The following PHLDB2 variants were observed in gnomAD, a reference collection of about 807,000 sequenced individuals.
PHLDB2 encodes the protein pleckstrin homology like domain family B member 2, also known as pleckstrin homology-like domain family B member 2.
A neutral mutation model predicts 123.6 loss-of-function variants in PHLDB2; 71 were observed. The ratio of observed to expected loss-of-function variants is 0.57; its 90% CI spans 0.47 to 0.70. The LOEUF (loss-of-function observed/expected upper bound fraction) is 0.70, where lower values mean the gene tolerates loss of function less well. Among genes scored for constraint, PHLDB2 ranks in the 30% least tolerant of loss-of-function variants. The pLI is 0.00. For missense variants in PHLDB2, 1,446 were observed against 1,519.5 expected (o/e 0.95, Z 0.80); for synonymous variants, 547 against 541.6 (o/e 1.01, Z -0.14).
chr3:111,845,965 T>C (rs1381075820), intron 2 of PHLDB2: 1 of 1,598,626 alleles, frequency 6.3e-7, no homozygotes, highest in Admixed American at 1.7e-5. Flanking sequence ...AGGTTTTCAG[T>C]ACATATTTAC....
Position 111,795,199 on chromosome 3 carries a change from A to G in PHLDB2, c.-48-50622A>G, listed in dbSNP as rs1042862478. Among the ~76,000 whole-genome samples the G allele has an allele frequency of 5.3e-5, 8 of 152,324 alleles. No individual in the cohort carries two copies. The South Asian group carries it at 8.3e-4, about 16-fold the overall frequency. Reference sequence around the variant, plus strand: ...CTCAGAGTTGCACTTCTTTATTTTAAGAAATCAGATAGGTATTCTTAGGTC... The same window carrying G: ...CTCAGAGTTGCACTTCTTTATTTTAGGAAATCAGATAGGTATTCTTAGGTC... On this transcript the variant is annotated intron_variant, in intron 1 of 17. Coordinates refer to the PHLDB2 transcript ENST00000393923.
chr3:111,900,550 A>T lies in PHLDB2; in HGVS notation c.1336-12769A>T, dbSNP rs368125698. On this transcript the variant is annotated intron_variant, in intron 2 of 17. Transcript: ENST00000431670. ...GGTTAGAACAAGTACAACATTTATT[A>T]ATTAAGTTTGCTGTCTTATATGGGC... Among the ~76,000 whole-genome samples the T allele has an allele frequency of 1.6e-4, 25 of 152,200 alleles. 1 individual carries two copies. The East Asian group carries it at 4.4e-3, about 27-fold the overall frequency.
intron 2 of PHLDB2, among the ~76,000 whole-genome samples, chr3:111,851,195 A>C (rs200807862): frequency 5.6e-3 from 51 of 9,152 alleles, no homozygotes; most frequent in African/African-American, 7.7e-3. Flanking sequence ...ATTCTGTCTT[A>C]AAAAAAAAAA....
At chr3:111,929,862 G>T (rs1234091121) in intron 5 of PHLDB2, among the ~76,000 whole-genome samples, 1 of 151,548 alleles carries the variant, frequency 6.6e-6, no homozygotes. Flanking sequence ...TGTATGAATT[G>T]CAAAACCTTT....
At chr3:111,803,203 C>T (rs981758291) in intron 1 of PHLDB2, among the ~76,000 whole-genome samples, 3 of 152,180 alleles carry the variant, frequency 2.0e-5, no homozygotes, top group African/African-American at 7.2e-5. Flanking sequence ...AAAGTTTCAT[C>T]GTTAAGCTGT....
chr3:111,883,979 T>G, intron 1 of PHLDB2, 85 bp from the exon 2 acceptor site: 1 of 1,299,804 alleles, frequency 7.7e-7, no homozygotes, highest in Non-Finnish European at 1.1e-6. Context: ...GACTGCAAGA[T>G]TGTTTGTTCA....
rs1274549720 is a variant in PHLDB2, at chr3:111,886,600, A to G, written c.1335+1188A>G. ...CATTTGCATCCATCCAGAAGGAAAT[A>G]CGTTTGACATTTTAGAGCAGTAATC... On this transcript the variant is annotated intron_variant, in intron 2 of 17. Transcript: ENST00000431670. Among the ~76,000 whole-genome samples, 7 of 152,236 alleles carry G rather than the reference A, an allele frequency of 4.6e-5. No individual in the cohort carries two copies. The East Asian group carries it at 1.3e-3, about 29-fold the overall frequency.
intron 1 of PHLDB2, among the ~76,000 whole-genome samples, chr3:111,879,852 ATCT>A (rs2065849832): frequency 2.0e-5 from 3 of 152,044 alleles, no homozygotes; most frequent in East Asian, 1.9e-4. Flanking sequence ...CTTCTTCTGT[ATCT>A]TCTTCATCAT....
intron 1 of PHLDB2, among the ~76,000 whole-genome samples, chr3:111,837,157 G>A (rs1339602436): frequency 6.6e-6 from 1 of 152,124 alleles, no homozygotes; most frequent in Admixed American, 6.5e-5. Flanking sequence ...TGCCTGCAAA[G>A]TGCTTAGAAC....
chr3:111,781,381 T>C (rs1029842903), intron 1 of PHLDB2, among the ~76,000 whole-genome samples: 8 of 151,998 alleles, frequency 5.3e-5, no homozygotes, highest in African/African-American at 1.9e-4. Flanking sequence ...TTTATCCCTC[T>C]CCCTTTTCCC....
At chr3:111,945,510 A>G in intron 9 of PHLDB2, 153 bp downstream of exon 9, 1 of 670,580 alleles carries the variant, frequency 1.5e-6, no homozygotes, top group Admixed American at 2.8e-5. Flanking sequence ...TTCATTATGT[A>G]TGCTTTGAGG....
Position 111,834,652 on chromosome 3 carries a change from A to C in PHLDB2, c.-48-11169A>C, listed in dbSNP as rs114652668. 2.9e-3 allele frequency among the ~76,000 whole-genome samples: 438 copies of C among 152,026 alleles called. 3 individuals carry two copies. The highest frequency in any genetic ancestry group is 0.01 in the African/African-American group (418 of 41,496). ...ATTTCTTTATAAGACAAATTTTTAG[A>C]AGTGAAATTGTTGAATCATAGGGGA... On this transcript the variant is annotated intron_variant, in intron 1 of 17. Transcript: ENST00000393923.
At chr3:111,774,159 G>GT (rs1304819623) in intron 1 of PHLDB2, among the ~76,000 whole-genome samples, 2 of 152,186 alleles carry the variant, frequency 1.3e-5, no homozygotes, top group Middle Eastern at 3.2e-3. Flanking sequence ...GGGCTCCTTA[G>GT]TTATTGAGAC....
chr3:111,766,840 C>G (rs2060090605), intron 1 of PHLDB2, among the ~76,000 whole-genome samples: 1 of 152,068 alleles, frequency 6.6e-6, no homozygotes. Flanking sequence ...CAAGACCAGC[C>G]TGGCCAACAT....
chr3:111,967,158 A>G (rs950505576), intron 14 of PHLDB2, among the ~76,000 whole-genome samples: 2 of 152,194 alleles, frequency 1.3e-5, no homozygotes, highest in Non-Finnish European at 2.9e-5. Flanking sequence ...TGACTTCCTT[A>G]GGAATCCCCC....
intron 1 of PHLDB2, among the ~76,000 whole-genome samples, chr3:111,782,227 G>A (rs1218155377): frequency 1.3e-5 from 2 of 152,054 alleles, no homozygotes; most frequent in South Asian, 2.1e-4. Context: ...CAAATGTTCA[G>A]GTTTTTACTG....
At chr3:111,945,503 A>G (rs1159842809) in intron 9 of PHLDB2, 146 bp downstream of exon 9, 2 of 681,752 alleles carry the variant, frequency 2.9e-6, no homozygotes, top group Non-Finnish European at 5.2e-6. Flanking sequence ...CCTGCCTTTC[A>G]TTATGTATGC....
rs531231560 is a variant in PHLDB2, at chr3:111,785,643, A to G, written c.-49+52940A>G. Among the ~76,000 whole-genome samples the G allele has an allele frequency of 3.0e-4, 45 of 152,176 alleles. No homozygotes were observed. The South Asian group carries it at 8.7e-3, about 29-fold the overall frequency. On this transcript the variant is annotated intron_variant, in intron 1 of 17. Coordinates refer to the PHLDB2 transcript ENST00000393923. ...ACCTAGTGTTTTTAACTAATCTTAA[A>G]CTCAACAAGAAGCATTAGAGAGGCA...
intron 1 of PHLDB2, among the ~76,000 whole-genome samples, chr3:111,809,422 G>A (rs1204236948): frequency 1.3e-5 from 2 of 152,168 alleles, no homozygotes; most frequent in African/African-American, 2.4e-5. Flanking sequence ...GTGGTTCTAT[G>A]GCATGTCAGT....
Sources: allele counts gnomAD v4.1 joint callset (sites outside exome capture counted in the v4.1 genomes callset), GRCh38; gene constraint gnomAD v4.1.1; transcripts MANE v1.5; gene names NCBI Gene and HGNC (gene_info 2026-07-23, HGNC 2026-07-21).